PROM2: variants seen among roughly 807,000 people sequenced by gnomAD.
PROM2 encodes prominin 2, also known as prominin-2.
In PROM2, 90 loss-of-function variants were observed where a neutral mutation model predicts 110.2. The observed-to-expected ratio is 0.82, with a 90% CI of 0.69 to 0.97. PROM2 has a LOEUF of 0.97. Ranked by LOEUF, PROM2 falls within the 50% of genes least tolerant of loss-of-function variation. PROM2 has a pLI of 0.00. For synonymous variants in PROM2, 470 were observed against 467.8 expected, an observed-to-expected ratio of 1.00 and a Z score of -0.06; for missense variants, 1,009 against 1,074.8, an observed-to-expected ratio of 0.94 and a Z score of 0.86.
At chr2:95,286,764 C>G in intron 17 of PROM2, 40 bp from the exon 18 acceptor site, 1 of 1,595,448 alleles carries the variant, frequency 6.3e-7, no homozygotes, top group Non-Finnish European at 8.6e-7. Flanking sequence ...CCTCCCCTTC[C>G]CTTGCACTCC....
In PROM2 at chr2:95,288,246, C is replaced by A. The variant is rs531638431; in HGVS notation, c.2280C>A (p.Ser760=). 3 of 1,614,046 alleles carry A rather than the reference C, an allele frequency of 1.9e-6. No homozygotes were observed. In the South Asian group the frequency reaches 3.3e-5, roughly 18 times the overall value. ...TQRIATCQPL[S]GALDNSRVIL... is the part of the protein sequence containing the mutation. ...GCATTGCCACCTGCCAGCCCCTCTCCGGAGCCCTGGACAACAGCCGTGTGA... is the reference window on the plus strand; with the variant it reads ...GCATTGCCACCTGCCAGCCCCTCTCAGGAGCCCTGGACAACAGCCGTGTGA... The change falls in exon 21 of 24, where the codon TCC becomes TCA. Residue 760 remains serine, a synonymous_variant. Transcript: ENST00000317620.
In PROM2 at chr2:95,279,880, T is replaced by C. The variant is rs779754334; in HGVS notation, c.1310T>C (p.Leu437Pro). ...GGCTGCGTGCTGTGCTCCGTGGTCC[T>C]ATTCGTGGTGCTCTGCAACCTGCTG... ...IVGCVLCSVVLFVVLCNLLGL... is the reference protein window; with the variant it reads ...IVGCVLCSVVPFVVLCNLLGL... Residue 437 changes from leucine to proline, a missense_variant, in exon 11 of 24, where the codon CTA (leucine) becomes CCA (proline). Coordinates refer to ENST00000317620, the MANE Select transcript of PROM2 (RefSeq NM_001165978.3). 4.5e-6 allele frequency: 7 copies of C among 1,548,060 alleles called. No homozygotes were observed. The highest frequency in any genetic ancestry group is 6.1e-6 in the Non-Finnish European group (7 of 1,144,458).
At chr2:95,288,896 G>C (rs1677540761) in intron 22 of PROM2, 37 bp from the exon 23 acceptor site, 2 of 1,596,440 alleles carry the variant, frequency 1.3e-6, no homozygotes, top group African/African-American at 1.3e-5. Context: ...GGGTCTGGGG[G>C]GAAGGGTATG....
At chr2:95,285,942 C>T (rs559087405) in intron 16 of PROM2, among the ~76,000 whole-genome samples, 37 of 152,294 alleles carry the variant, frequency 2.4e-4, no homozygotes, top group Admixed American at 1.6e-3. Context: ...ATCTCTGAGC[C>T]GGAGGTTCTT....
chr2:95,283,503 C>T (rs1472386487), intron 14 of PROM2, among the ~76,000 whole-genome samples: 1 of 152,250 alleles, frequency 6.6e-6, no homozygotes, highest in African/African-American at 2.4e-5. Context: ...TCTCCTGAAG[C>T]TGCTGCCACT....
Position 95,288,455 on chromosome 2 carries a change from G to A in PROM2, c.2335-28G>A, listed in dbSNP as rs370502291. On this transcript the variant is annotated intron_variant, in intron 21 of 23. Transcript: ENST00000317620. ...GGTGAGGCTGGGTGCCACGTGGGTT[G>A]GTGAGCCGACCTCACGCCTTGTTGC... The A allele has an allele frequency of 2.5e-6, 4 of 1,607,854 alleles. No homozygotes were observed. In the African/African-American group the frequency reaches 5.3e-5, roughly 21 times the overall value.
Position 95,276,907 on chromosome 2 carries a change from A to T in PROM2, c.683-65A>T. 6.7e-7 allele frequency: 1 copy of T among 1,494,452 alleles called. No homozygotes were observed. 92.6% of individuals were successfully genotyped at this position (1,494,452 alleles called of 1,614,324 possible). A position where few individuals can be genotyped will look rare whatever the true frequency, so the allele number is the denominator to read the frequency against. ...GCCCGGTGGGGCCTGGGGAGGCAGG[A>T]TGGGAATGGGGAGGGCCCCTCCACT... On this transcript the variant is annotated intron_variant, in intron 5 of 23. Coordinates refer to ENST00000317620, the MANE Select transcript of PROM2 (RefSeq NM_001165978.3). This position sits in a 1 kb window ranked among gnomAD's most constrained non-coding sequence, Gnocchi z 4.6.
chr2:95,277,624 C>T (rs1363956816), intron 7 of PROM2, 58 bp downstream of exon 7: 3 of 1,437,016 alleles, frequency 2.1e-6, no homozygotes, highest in East Asian at 2.4e-5. Context: ...CCTGCTGCTC[C>T]TGGGATCTGG....
Position 95,276,419 on chromosome 2 carries a change from G to A in PROM2, c.618+72G>A. ...GCCCGGGCAGGACAGAGCCGAGTGG[G>A]CCCTCGATGGCCCATAACCAGCGCA... On this transcript the variant is annotated intron_variant, in intron 4 of 23. Coordinates refer to ENST00000317620, the MANE Select transcript of PROM2 (RefSeq NM_001165978.3). The surrounding 1 kb of genome is among the most constrained non-coding windows in gnomAD (Gnocchi z 4.6). 3.8e-6 allele frequency: 6 copies of A among 1,594,276 alleles called. No homozygotes were observed. The South Asian group carries it at 6.8e-5, about 18-fold the overall frequency.
At chr2:95,287,012 C>A in intron 18 of PROM2, 121 bp from the exon 19 acceptor site, 1 of 1,261,304 alleles carries the variant, frequency 7.9e-7, no homozygotes. Flanking sequence ...TGGGGGATCA[C>A]CACCCTTGGC....
In PROM2 at chr2:95,287,394, A is replaced by T. The variant is rs1677427731; in HGVS notation, c.2176-2A>T. 6.2e-7 allele frequency: 1 copy of T among 1,613,996 alleles called. No homozygotes were observed. The highest frequency in any genetic ancestry group is 1.3e-5 in the African/African-American group (1 of 74,930). On this transcript the variant is annotated splice_acceptor_variant, in intron 19 of 23. Coordinates refer to ENST00000317620, the MANE Select transcript of PROM2 (RefSeq NM_001165978.3). LOFTEE classifies it high-confidence loss of function. ...AGCTCAGACCTCCTTTCCTTCCTGC[A>T]GGTGAGTGAGTGTTTCCTGGCCCGG...
chr2:95,284,543 G>T (rs1480327819), intron 14 of PROM2, among the ~76,000 whole-genome samples: 2 of 152,016 alleles, frequency 1.3e-5, no homozygotes, highest in African/African-American at 2.4e-5. Context: ...AATTTATAAA[G>T]AAAAGAGGTT....
chr2:95,276,609 G>A lies in PROM2; in HGVS notation c.634G>A (p.Ala212Thr). The A allele has an allele frequency of 6.2e-7, 1 of 1,613,690 alleles. No homozygotes were observed. The highest frequency in any genetic ancestry group is 8.5e-7 in the Non-Finnish European group (1 of 1,179,992). Reference protein sequence around the residue: ...SDVPQELQAVAQQFSLPQEQV... With the variant: ...SDVPQELQAVTQQFSLPQEQV... ...GTTTGCCTAGGAGCTGCAGGCCGTGGCACAGCAATTCTCCCTGCCCCAGGA... is the reference window on the plus strand; with the variant it reads ...GTTTGCCTAGGAGCTGCAGGCCGTGACACAGCAATTCTCCCTGCCCCAGGA... Residue 212 changes from alanine (A) to threonine (T), a missense_variant, in exon 5 of 24, where the codon GCA (alanine) becomes ACA (threonine). Ala to Thr is a moderately conservative substitution (Grantham distance 58, BLOSUM62 0). Transcript: ENST00000317620. This position sits in a 1 kb window ranked among gnomAD's most constrained non-coding sequence, Gnocchi z 4.6.
At chr2:95,283,918 C>T (rs2104126556) in intron 14 of PROM2, among the ~76,000 whole-genome samples, 1 of 152,330 alleles carries the variant, frequency 6.6e-6, no homozygotes, top group Non-Finnish European at 1.5e-5. Flanking sequence ...GTGGAGCTGA[C>T]AGCATTGAAC....
Position 95,274,846 on chromosome 2 carries a change from C to G in PROM2, c.244+17C>G, listed in dbSNP as rs200376966. 506 of 1,525,192 alleles carry G rather than the reference C, an allele frequency of 3.3e-4. 3 individuals are homozygous for G. In the African/African-American group the frequency reaches 6.5e-3, roughly 19 times the overall value. The allele number at this position is 1,525,192 out of a possible 1,614,324, so 94.5% of individuals were successfully genotyped here. ...TCCCTTCAGGTGAGTGTGCCCCTCC[C>G]CCATGAGGGCCTCAGCATTTGGGTC... On this transcript the variant is annotated intron_variant, in intron 1 of 23. Transcript: ENST00000317620.
Position 95,275,473 on chromosome 2 carries a change from C to A in PROM2, c.257C>A (p.Ala86Asp). The stretch of plus-strand genomic sequence containing the variant: ...CTCTTTCCCATAGAGTTGGTAAAGG[C>A]CCTACTGAATGAGCTGGCCTCCGTG... ...LNPFPSELVK[A>D]LLNELASVKV... The change falls in exon 2 of 24, where the codon GCC becomes GAC. Residue 86 changes from alanine to aspartate, a missense_variant. Ala to Asp is a moderately radical substitution (Grantham distance 126, BLOSUM62 -2). Coordinates refer to ENST00000317620, the MANE Select transcript of PROM2 (RefSeq NM_001165978.3). This position sits in a 1 kb window ranked among gnomAD's most constrained non-coding sequence, Gnocchi z 4.4. 1.2e-6 allele frequency: 2 copies of A among 1,613,526 alleles called. No homozygotes were observed. The highest frequency in any genetic ancestry group is 1.7e-6 in the Non-Finnish European group (2 of 1,179,710).
intron 1 of PROM2, 114 bp downstream of exon 1, chr2:95,274,943 C>A: frequency 7.3e-7 from 1 of 1,362,408 alleles, no homozygotes; most frequent in Non-Finnish European, 9.7e-7. Context: ...TTGCCATCTT[C>A]CTGGGGTAGA....
At position 95,276,215 on chromosome 2, in the gene PROM2, C is replaced by A. The variant is rs1207912608; in HGVS notation, c.498-12C>A. ...CCCAGCAAGCACCTTCCTCCTCCCTCCATTCCCACAGGATTGGTGTGGTCT... is the reference window on the plus strand; with the variant it reads ...CCCAGCAAGCACCTTCCTCCTCCCTACATTCCCACAGGATTGGTGTGGTCT... On this transcript the variant is annotated splice_polypyrimidine_tract_variant and intron_variant, in intron 3 of 23. Coordinates refer to ENST00000317620, the MANE Select transcript of PROM2 (RefSeq NM_001165978.3). This position sits in a 1 kb window ranked among gnomAD's most constrained non-coding sequence, Gnocchi z 4.6. 1 of 1,613,840 alleles carries A rather than the reference C, an allele frequency of 6.2e-7. No individual in the cohort carries two copies. The highest frequency in any genetic ancestry group is 8.5e-7 in the Non-Finnish European group (1 of 1,180,020).
chr2:95,286,969 G>C, intron 18 of PROM2, 112 bp downstream of exon 18: 1 of 1,381,948 alleles, frequency 7.2e-7, no homozygotes, highest in Non-Finnish European at 1.0e-6. Flanking sequence ...TTGCAGGTGG[G>C]GTTGGGAGGA....
Sources: gnomAD v4.1 joint callset for allele counts (sites outside exome capture counted in the v4.1 genomes callset) on GRCh38, gnomAD v4.1.1 for gene constraint, Gnocchi (gnomAD v3.1) non-coding constraint, MANE v1.5 for transcripts, NCBI Gene and HGNC (gene_info 2026-07-23, HGNC 2026-07-21) for gene names.